Variants in MTDH observed in about 807,000 individuals in gnomAD.
MTDH encodes protein LYRIC.
In MTDH, 34 loss-of-function variants were observed where a neutral mutation model predicts 72.7. The observed-to-expected ratio is 0.47, with a 90% CI of 0.36 to 0.62. The LOEUF is 0.62. MTDH is among the 20% of genes least tolerant of loss of function. The pLI is 0.00. For synonymous variants in MTDH, 266 were observed against 268.9 expected (o/e 0.99, Z 0.10); for missense variants, 677 against 699.4 (o/e 0.97, Z 0.36).
intron 9 of MTDH, among the ~76,000 whole-genome samples, chr8:97,717,941 G>C (rs1015291674): frequency 3.9e-5 from 6 of 152,050 alleles, no homozygotes; most frequent in African/African-American, 1.4e-4. Context: ...GTAGAAACAG[G>C]GTTTCACCAT....
intron 7 of MTDH, among the ~76,000 whole-genome samples, chr8:97,704,836 G>C (rs1426998245): frequency 1.3e-5 from 2 of 151,976 alleles, no homozygotes; most frequent in Non-Finnish European, 2.9e-5. Flanking sequence ...AGTTCACCTG[G>C]AAAAATAAGA....
intron 6 of MTDH, chr8:97,696,228 G>T (rs1813828859): frequency 1.0e-6 from 1 of 985,126 alleles, no homozygotes; most frequent in African/African-American, 1.7e-5. Context: ...GTGGATAGGG[G>T]AATGAATACC....
At chr8:97,649,904 A>AGT in intron 1 of MTDH, among the ~76,000 whole-genome samples, 1 of 151,620 alleles carries the variant, frequency 6.6e-6, no homozygotes, top group Middle Eastern at 3.5e-3. Flanking sequence ...GCCCCCGGCC[A>AGT]TTATTTTTAT....
At chr8:97,654,256 A>G (rs1249720668) in intron 1 of MTDH, among the ~76,000 whole-genome samples, 2 of 152,248 alleles carry the variant, frequency 1.3e-5, no homozygotes, top group African/African-American at 4.8e-5. Context: ...AACTGTGTCT[A>G]AAGCTATGGT....
intron 10 of MTDH, among the ~76,000 whole-genome samples, chr8:97,722,203 G>A (rs1815157282): frequency 6.6e-6 from 1 of 152,120 alleles, no homozygotes; most frequent in African/African-American, 2.4e-5. Flanking sequence ...GGTCAAGGCT[G>A]CAGTGAGCTG....
intron 9 of MTDH, among the ~76,000 whole-genome samples, chr8:97,715,281 C>T (rs1255897710): frequency 6.6e-6 from 1 of 151,902 alleles, no homozygotes; most frequent in Non-Finnish European, 1.5e-5. Context: ...GCATGAGCCA[C>T]CACACCCAGC....
At chr8:97,720,811 C>T (rs1202119571) in intron 10 of MTDH, among the ~76,000 whole-genome samples, 1 of 151,208 alleles carries the variant, frequency 6.6e-6, no homozygotes, top group Non-Finnish European at 1.5e-5. Context: ...ACGCCACCAC[C>T]CCTGGCTAAT....
In MTDH at chr8:97,729,687, G is replaced by A. The variant is rs570507397; in HGVS notation, c.*5017G>A. ...TGTTTTTTGTTTTTTTCTAGAGACA[G>A]AGTCTCGTTGCCCAGGCTGGTCTCC... On this transcript the variant is annotated 3_prime_UTR_variant, in exon 12 of 12. Transcript: ENST00000336273. Among the ~76,000 whole-genome samples, 4 of 151,808 alleles carry A rather than the reference G, an allele frequency of 2.6e-5. No individual in the cohort carries two copies. The highest frequency in any genetic ancestry group is 5.9e-5 in the Non-Finnish European group (4 of 67,932).
At chr8:97,699,711 GA>G (rs769317545) in intron 6 of MTDH, 42 bp from the exon 7 acceptor site, 2 of 1,305,128 alleles carry the variant, frequency 1.5e-6, no homozygotes, top group Non-Finnish European at 2.2e-6. Flanking sequence ...ACATCATTAG[GA>G]AATTCCATTT....
chr8:97,655,001 A>C (rs1811911896), intron 1 of MTDH, among the ~76,000 whole-genome samples: 1 of 152,102 alleles, frequency 6.6e-6, no homozygotes, highest in Non-Finnish European at 1.5e-5. Context: ...CTGAGGTGGG[A>C]AGATGGCTTG....
chr8:97,706,733 A>G lies in MTDH; in HGVS notation c.1255A>G (p.Ile419Val), dbSNP rs564908840. 2 of 1,613,532 alleles carry G rather than the reference A, an allele frequency of 1.2e-6. No homozygotes were observed. Among genetic ancestry groups the G allele is most frequent in the South Asian group, 1.1e-5 (1 of 91,018 alleles). The part of the protein sequence containing the change: ...RASLLKSQEP[I>V]PDDQKVSDDD... The stretch of plus-strand genomic sequence containing the variant: ...TTCACTTCTAAAGTCCCAGGAACCA[A>G]TTCCTGATGATCAAAAGGTGAGTAT... Residue 419 changes from isoleucine (I) to valine (V), a missense_variant, in exon 8 of 12, where the codon ATT becomes GTT. Transcript: ENST00000336273.
chr8:97,648,195 A>G (rs1261533323), intron 1 of MTDH, among the ~76,000 whole-genome samples: 2 of 152,168 alleles, frequency 1.3e-5, no homozygotes, highest in South Asian at 2.1e-4. Context: ...TATGAATTAC[A>G]GTTTGTTCCC....
intron 1 of MTDH, among the ~76,000 whole-genome samples, chr8:97,658,976 T>C (rs887588982): frequency 6.6e-6 from 1 of 152,002 alleles, no homozygotes; most frequent in East Asian, 1.9e-4. Context: ...ACCCCGTCTC[T>C]ACTAAAAATA....
At position 97,652,790 on chromosome 8, in the gene MTDH, A is replaced by G. The variant is rs569057039; in HGVS notation, c.381+7903A>G. On this transcript the variant is annotated intron_variant, in intron 1 of 11. Transcript: ENST00000336273. Reference sequence around the variant, plus strand: ...AAAAAAGTTATATCACTTGCCACCTATAGAGTTTTCTTTTTACCTTTAAGT... The same window carrying G: ...AAAAAAGTTATATCACTTGCCACCTGTAGAGTTTTCTTTTTACCTTTAAGT... Among the ~76,000 whole-genome samples, 6 of 152,284 alleles carry G rather than the reference A, an allele frequency of 3.9e-5. No individual in the cohort carries two copies. In the East Asian group the frequency reaches 1.2e-3, roughly 29 times the overall value.
At chr8:97,697,983 G>A (rs1010982106) in intron 6 of MTDH, among the ~76,000 whole-genome samples, 1 of 152,012 alleles carries the variant, frequency 6.6e-6, no homozygotes, top group African/African-American at 2.4e-5. Context: ...ATTTTATAGG[G>A]TTACTCTGTT....
chr8:97,655,297 G>A (rs1315135156), intron 1 of MTDH, among the ~76,000 whole-genome samples: 1 of 152,136 alleles, frequency 6.6e-6, no homozygotes, highest in African/African-American at 2.4e-5. Context: ...CTTGAGTGCA[G>A]GCATTGAGCC....
chr8:97,705,061 G>A (rs1814291581), intron 7 of MTDH, among the ~76,000 whole-genome samples: 1 of 152,240 alleles, frequency 6.6e-6, no homozygotes, highest in Non-Finnish European at 1.5e-5. Flanking sequence ...CACTTTGGGA[G>A]GCTGAGGCAG....
chr8:97,656,011 A>C (rs1811954820), intron 1 of MTDH, among the ~76,000 whole-genome samples: 1 of 152,170 alleles, frequency 6.6e-6, no homozygotes, highest in Non-Finnish European at 1.5e-5. Context: ...AGGTTTGTCA[A>C]ACTCCAAAGC....
Position 97,661,114 on chromosome 8 carries a change from C to T in MTDH, c.424C>T (p.Arg142Ter), listed in dbSNP as rs770905188. 3.1e-6 allele frequency: 5 copies of T among 1,613,060 alleles called. No homozygotes were observed. Among genetic ancestry groups the T allele is most frequent in the East Asian group, 2.2e-5 (1 of 44,840 alleles). ...TGAAGTGGCTGAGGGTGAAGCTGTT[C>T]GAACACCTCAAAGTGTAACAGCAAA... ...TVEVAEGEAV[R>*]TPQSVTAKQP... is the part of the protein sequence containing the mutation. Residue 142 changes from arginine (R) to a stop codon, truncating the protein, a stop_gained, in exon 2 of 12, where the codon CGA becomes TGA. Transcript: ENST00000336273. LOFTEE classifies it high-confidence loss of function.
Sources: allele counts gnomAD v4.1 joint callset (sites outside exome capture counted in the v4.1 genomes callset), GRCh38; gene constraint gnomAD v4.1.1; transcripts MANE v1.5; gene names NCBI Gene and HGNC (gene_info 2026-07-23, HGNC 2026-07-21).